Variants in DRD2 observed in about 807,000 individuals in gnomAD.
The protein encoded by DRD2 is D(2) dopamine receptor.
A neutral mutation model predicts 38.0 loss-of-function variants in DRD2; 8 were observed. That is an observed-to-expected ratio of 0.21 (90% CI 0.12 to 0.38). The LOEUF is 0.38. Ranked by LOEUF, DRD2 falls within the 10% of genes least tolerant of loss-of-function variation. The pLI is 1.00. For synonymous variants in DRD2, 230 were observed against 238.6 expected, an observed-to-expected ratio of 0.96 and a Z score of 0.33; for missense variants, 403 against 607.7, an observed-to-expected ratio of 0.66 and a Z score of 3.54.
chr11:113,436,562 C>T (rs1354140970), intron 1 of DRD2, among the ~76,000 whole-genome samples: 1 of 151,992 alleles, frequency 6.6e-6, no homozygotes, highest in Non-Finnish European at 1.5e-5. Flanking sequence ...TAGAGATACA[C>T]ACTGAAATAT....
At chr11:113,435,330 T>TG (rs57125489) in intron 1 of DRD2, among the ~76,000 whole-genome samples, 202 of 126,526 alleles carry the variant, frequency 1.6e-3, no homozygotes, top group African/African-American at 3.8e-3. Context: ...TGACTCAGTG[T>TG]GGGGGGGGGT....
chr11:113,425,411 A>G (rs767922127), intron 1 of DRD2, among the ~76,000 whole-genome samples: 5 of 152,196 alleles, frequency 3.3e-5, no homozygotes, highest in Non-Finnish European at 7.3e-5. Flanking sequence ...GAGGGCCTCA[A>G]AGAGATTCTG....
intron 1 of DRD2, among the ~76,000 whole-genome samples, chr11:113,464,679 C>G (rs1951351957): frequency 6.6e-6 from 1 of 152,226 alleles, no homozygotes. Flanking sequence ...TTTAGTTACT[C>G]CACTGTGTGA....
At chr11:113,446,539 T>C (rs1171041265) in intron 1 of DRD2, among the ~76,000 whole-genome samples, 2 of 152,176 alleles carry the variant, frequency 1.3e-5, no homozygotes, top group Non-Finnish European at 2.9e-5. Flanking sequence ...CTATGTCAAC[T>C]AGGAAGTGGC....
chr11:113,441,091 G>A (rs1458508192), intron 1 of DRD2, among the ~76,000 whole-genome samples: 1 of 152,162 alleles, frequency 6.6e-6, no homozygotes, highest in Non-Finnish European at 1.5e-5. Flanking sequence ...CTCTTCTCAG[G>A]GATCAGTTCA....
chr11:113,442,133 A>G (rs1307709926), intron 1 of DRD2, among the ~76,000 whole-genome samples: 1 of 152,224 alleles, frequency 6.6e-6, no homozygotes, highest in African/African-American at 2.4e-5. Flanking sequence ...AAAATTGGCC[A>G]TAATTGCCTT....
chr11:113,415,455 C>T lies in DRD2; in HGVS notation c.689G>A (p.Arg230Gln), dbSNP rs200419139. The T allele has an allele frequency of 5.6e-6, 9 of 1,613,880 alleles. No homozygotes were observed. The highest frequency in any genetic ancestry group is 2.2e-5 in the East Asian group (1 of 44,884). The change falls in exon 5 of 8, where the codon CGA (arginine) becomes CAA (glutamine). Residue 230 changes from arginine to glutamine, a missense_variant. Physicochemically the swap from Arg to Gln is conservative, Grantham distance 43 (BLOSUM62 1). Coordinates refer to ENST00000362072, the MANE Select transcript of DRD2 (RefSeq NM_000795.4). ...RKRVNTKRSS[R>Q]AFRAHLRAPL... ...AGCCCTCAGGTGGGCCCTGAAAGCT[C>T]GGCTGCTGCGTTTGGTGTTGACTCG...
At chr11:113,411,027 G>T in intron 7 of DRD2, 107 bp from the exon 8 acceptor site, 1 of 1,230,508 alleles carries the variant, frequency 8.1e-7, no homozygotes, top group Non-Finnish European at 1.1e-6. Flanking sequence ...GTGGGCTGTA[G>T]CCACAGAAGC....
At chr11:113,423,106 C>T (rs1277405926) in intron 2 of DRD2, among the ~76,000 whole-genome samples, 1 of 152,046 alleles carries the variant, frequency 6.6e-6, no homozygotes, top group Non-Finnish European at 1.5e-5. Flanking sequence ...CAGCTTGTGC[C>T]CACCGATGAT....
chr11:113,445,357 G>A (rs144096206), intron 1 of DRD2, among the ~76,000 whole-genome samples: 2 of 152,304 alleles, frequency 1.3e-5, no homozygotes, highest in African/African-American at 4.8e-5. Context: ...GTTCACTTTA[G>A]GGGAAGCTGA....
chr11:113,448,201 C>T lies in DRD2; in HGVS notation c.-31-23519G>A, dbSNP rs191844275. On this transcript the variant is annotated intron_variant, in intron 1 of 7. Coordinates refer to ENST00000362072, the MANE Select transcript of DRD2 (RefSeq NM_000795.4). ...GCAGGAAGATGCAGGAGTCTAATGA[C>T]GTTCTTTTCCTGTCCTGATGAGATC... Among the ~76,000 whole-genome samples the T allele has an allele frequency of 1.4e-3, 209 of 152,258 alleles. 1 individual carries two copies. The highest frequency in any genetic ancestry group is 4.4e-3 in the African/African-American group (184 of 41,548).
At chr11:113,453,632 T>C (rs1951237179) in intron 1 of DRD2, among the ~76,000 whole-genome samples, 2 of 152,208 alleles carry the variant, frequency 1.3e-5, no homozygotes, top group Admixed American at 1.3e-4. Context: ...ATAAGCAAGA[T>C]AGAGTCATTA....
At chr11:113,426,720 G>A (rs1008895638) in intron 1 of DRD2, among the ~76,000 whole-genome samples, 2 of 152,144 alleles carry the variant, frequency 1.3e-5, no homozygotes, top group Non-Finnish European at 2.9e-5. Context: ...CTGGAGCCTC[G>A]GGGAAAAGCA....
chr11:113,429,446 C>T (rs769882138), intron 1 of DRD2, among the ~76,000 whole-genome samples: 12 of 152,032 alleles, frequency 7.9e-5, no homozygotes, highest in Non-Finnish European at 1.8e-4. Flanking sequence ...GGGGTTTCAC[C>T]GTGTTAGTCA....
intron 1 of DRD2, among the ~76,000 whole-genome samples, chr11:113,433,888 GA>G (rs1951012744): frequency 6.6e-6 from 1 of 152,206 alleles, no homozygotes; most frequent in South Asian, 2.1e-4. Flanking sequence ...AGTAAAAATA[GA>G]AGCTAGCCTT....
intron 7 of DRD2, chr11:113,411,713 C>T (rs1950771331): frequency 6.6e-6 from 1 of 152,336 alleles, no homozygotes; most frequent in African/African-American, 2.4e-5. Context: ...TCCTAGCCTA[C>T]CATATCCCAG....
Position 113,424,582 on chromosome 11 carries a change from C to G in DRD2, c.70G>C (p.Gly24Arg). 1 of 1,614,192 alleles carries G rather than the reference C, an allele frequency of 6.2e-7. No homozygotes were observed. The highest frequency in any genetic ancestry group is 1.1e-5 in the South Asian group (1 of 91,086). ...GGTCTGTCCGCCTTCCCGTCTGACC[C>G]GTTGAAGGGCCGGCTCCAGTTCTGC... ...ERQNWSRPFN[G>R]SDGKADRPHY... Residue 24 changes from glycine (G) to arginine (R), a missense_variant, in exon 2 of 8, where the codon GGG becomes CGG. Around this residue, in one of 4 missense-constraint regions of DRD2, gnomAD observed 162 missense variants for 254.5 expected, o/e 0.64. Coordinates refer to ENST00000362072, the MANE Select transcript of DRD2 (RefSeq NM_000795.4).
chr11:113,417,461 T>C (rs1390990915), intron 3 of DRD2, among the ~76,000 whole-genome samples: 1 of 151,988 alleles, frequency 6.6e-6, no homozygotes, highest in Non-Finnish European at 1.5e-5. Context: ...TTTTTTTTTT[T>C]ACCCAGCCCT....
At chr11:113,461,863 A>T (rs1021640944) in intron 1 of DRD2, among the ~76,000 whole-genome samples, 1 of 152,132 alleles carries the variant, frequency 6.6e-6, no homozygotes, top group African/African-American at 2.4e-5. Flanking sequence ...GTTTCTTATG[A>T]CTATAAAAGG....
Sources: allele counts gnomAD v4.1 joint callset (sites outside exome capture counted in the v4.1 genomes callset), GRCh38; gene constraint gnomAD v4.1.1; regional missense constraint gnomAD v4.1.1; transcripts MANE v1.5; gene names NCBI Gene and HGNC (gene_info 2026-07-23, HGNC 2026-07-21).